Variants in VRK3 observed in about 807,000 individuals in gnomAD.
VRK3 encodes the protein serine/threonine-protein kinase VRK3.
Under a neutral mutation model 60.4 loss-of-function variants are expected in VRK3, and 50 were observed. That is an observed-to-expected ratio of 0.83 (90% CI 0.66 to 1.05). The LOEUF (loss-of-function observed/expected upper bound fraction) is 1.05, where lower values mean the gene tolerates loss of function less well. Ranked by LOEUF, VRK3 falls within the 50% of genes least tolerant of loss-of-function variation. The probability of loss-of-function intolerance (pLI) is 0.00; values close to 1 mark genes in which losing one functional copy is unlikely to be tolerated. For missense variants in VRK3, 549 were observed against 585.3 expected (o/e 0.94, Z 0.64); for synonymous variants, 246 against 227.8 (o/e 1.08, Z -0.72).
At chr19:50,003,213 C>G (rs536211374) in intron 5 of VRK3, among the ~76,000 whole-genome samples, 20 of 152,224 alleles carry the variant, frequency 1.3e-4, no homozygotes, top group Non-Finnish European at 2.4e-4. Context: ...GGGACCCTGA[C>G]TGACTTCTCC....
At chr19:49,987,302 C>T (rs1184082109) in intron 12 of VRK3, among the ~76,000 whole-genome samples, 1 of 152,126 alleles carries the variant, frequency 6.6e-6, no homozygotes, top group Non-Finnish European at 1.5e-5. Context: ...TGGTGCTGAA[C>T]CCACATCCCT....
At chr19:49,998,984 G>C (rs192369113) in intron 6 of VRK3, 2,563 of 128,794 alleles carry the variant, frequency 0.02, 40 homozygotes, top group Middle Eastern at 0.042. Flanking sequence ...AAAGCTGGAC[G>C]TGGTGGTGCA....
chr19:50,015,251 C>A (rs1402028668), intron 3 of VRK3, among the ~76,000 whole-genome samples: 2 of 152,108 alleles, frequency 1.3e-5, no homozygotes, highest in Non-Finnish European at 2.9e-5. Flanking sequence ...GCTCCAAAAT[C>A]TGAAACTTTG....
chr19:50,018,223 G>T (rs530289167), intron 2 of VRK3, among the ~76,000 whole-genome samples: 1 of 152,348 alleles, frequency 6.6e-6, no homozygotes, highest in African/African-American at 2.4e-5. Context: ...GAGGTGCTGA[G>T]AACAGGGCCT....
intron 2 of VRK3, among the ~76,000 whole-genome samples, chr19:50,017,105 A>T (rs1568817181): frequency 6.6e-6 from 1 of 152,112 alleles, no homozygotes; most frequent in Non-Finnish European, 1.5e-5. Flanking sequence ...GAGGCAGGAA[A>T]GTTGCTTGAA....
intron 3 of VRK3, among the ~76,000 whole-genome samples, chr19:50,012,161 G>C (rs67553371): frequency 6.6e-6 from 1 of 151,882 alleles, no homozygotes; most frequent in African/African-American, 2.4e-5. Flanking sequence ...AGCAGAGACA[G>C]GGTTTCTCCA....
At position 49,979,179 on chromosome 19, in the gene VRK3, G is replaced by A. The variant is rs150238490; in HGVS notation, c.1340C>T (p.Ala447Val). 22 of 1,614,088 alleles carry A rather than the reference G, an allele frequency of 1.4e-5. No homozygotes were observed. Among genetic ancestry groups the A allele is most frequent in the Non-Finnish European group, 1.9e-5 (22 of 1,180,006 alleles). ...ALTYEEKPPY[A>V]MLRNNLEALL... ...AGCTTCTAGGTTGTTCCTCAGCATG[G>A]CGTAGGGCGGCTTCTCCTCATACGT... Residue 447 changes from alanine (A) to valine (V), a missense_variant, in exon 14 of 15, where the codon GCC becomes GTC. By Grantham distance (64) the Ala-to-Val change is moderately conservative. Transcript: ENST00000316763.
At chr19:50,006,988 T>G (rs1026961887) in intron 5 of VRK3, among the ~76,000 whole-genome samples, 2 of 152,100 alleles carry the variant, frequency 1.3e-5, no homozygotes, top group African/African-American at 4.8e-5. Context: ...TGTTGGCCCC[T>G]GTGCAGAAAC....
rs779735129 is a variant in VRK3, at chr19:49,992,969, G to A, written c.871-17C>T. ...GGCATCCAGCTGGGGGAAGAAGCAA[G>A]TCAGTGTCTGCATGAGCAGTACGAC... On this transcript the variant is annotated splice_polypyrimidine_tract_variant and intron_variant, in intron 9 of 14. Transcript: ENST00000316763. 1.2e-6 allele frequency: 2 copies of A among 1,606,618 alleles called. No homozygotes were observed. Among genetic ancestry groups the A allele is most frequent in the Non-Finnish European group, 1.7e-6 (2 of 1,177,968 alleles).
At chr19:50,012,387 G>C (rs2077009702) in intron 3 of VRK3, among the ~76,000 whole-genome samples, 1 of 152,136 alleles carries the variant, frequency 6.6e-6, no homozygotes, top group Admixed American at 6.5e-5. Flanking sequence ...GTTCCCCTCT[G>C]TTATCATGCA....
intron 10 of VRK3, among the ~76,000 whole-genome samples, chr19:49,990,952 GTTA>G (rs2076600395): frequency 1.3e-5 from 2 of 151,728 alleles, no homozygotes; most frequent in South Asian, 2.1e-4. Flanking sequence ...ACCTGGATAG[GTTA>G]TTATTTTTTA....
intron 12 of VRK3, chr19:49,981,973 G>C (rs1261925908): frequency 4.6e-6 from 3 of 647,536 alleles, no homozygotes; most frequent in Non-Finnish European, 8.1e-6. Context: ...CAGTTCAGTG[G>C]AATGTGGGGG....
At chr19:50,017,143 A>G (rs913256470) in intron 2 of VRK3, among the ~76,000 whole-genome samples, 23 of 151,584 alleles carry the variant, frequency 1.5e-4, no homozygotes, top group African/African-American at 5.6e-4. Flanking sequence ...GCAGTGAACC[A>G]AGATCATGCC....
intron 3 of VRK3, among the ~76,000 whole-genome samples, chr19:50,010,430 C>T (rs2076975446): frequency 1.3e-5 from 2 of 152,116 alleles, no homozygotes; most frequent in Non-Finnish European, 2.9e-5. Flanking sequence ...TGGATGTTGA[C>T]CTGTGGTAAT....
At chr19:49,980,038 A>G (rs1185740466) in intron 13 of VRK3, among the ~76,000 whole-genome samples, 1 of 152,152 alleles carries the variant, frequency 6.6e-6, no homozygotes, top group Non-Finnish European at 1.5e-5. Context: ...CGACAGAGCA[A>G]GACTCCGTCT....
At chr19:50,012,890 G>A (rs1006891089) in intron 3 of VRK3, among the ~76,000 whole-genome samples, 2 of 150,320 alleles carry the variant, frequency 1.3e-5, no homozygotes, top group Non-Finnish European at 3.0e-5. Context: ...AACAAAGGCC[G>A]GGCGCAGTGG....
rs545537786 is a variant in VRK3 at position 49,990,869 on chromosome 19, C to T, written c.964-1098G>A. 4.6e-5 allele frequency among the ~76,000 whole-genome samples: 7 copies of T among 152,186 alleles called. No individual in the cohort carries two copies. In the South Asian group the frequency reaches 1.5e-3, roughly 32 times the overall value. On this transcript the variant is annotated intron_variant, in intron 10 of 14. Coordinates refer to ENST00000316763, the MANE Select transcript of VRK3 (RefSeq NM_016440.4). ...GTATGATCATGGCTCACTGCAGTCT[C>T]CATCTCCTGGGCTCAGGTGATCCTT...
chr19:50,010,600 C>T (rs966213032), intron 3 of VRK3, among the ~76,000 whole-genome samples: 4 of 152,180 alleles, frequency 2.6e-5, no homozygotes, highest in African/African-American at 7.2e-5. Flanking sequence ...CTGGTGAGAA[C>T]GTGAATTCTT....
chr19:49,987,019 G>T (rs2076527735), intron 12 of VRK3: 1 of 152,198 alleles, frequency 6.6e-6, no homozygotes, highest in South Asian at 2.1e-4. Flanking sequence ...GGGATTACAG[G>T]TGCCCACCAC....
Sources: gnomAD v4.1 joint callset for allele counts (sites outside exome capture counted in the v4.1 genomes callset) on GRCh38, gnomAD v4.1.1 for gene constraint, MANE v1.5 for transcripts, NCBI Gene and HGNC (gene_info 2026-07-23, HGNC 2026-07-21) for gene names.